SAXO1: variants seen among roughly 807,000 people sequenced by gnomAD.
SAXO1 encodes the protein 4930500O09Rik.
SAXO1 carries 21 observed loss-of-function variants against 17.5 expected under a neutral mutation model. That is an observed-to-expected ratio of 1.20 (90% CI 0.85 to 1.72). The LOEUF (loss-of-function observed/expected upper bound fraction) is 1.72. Ranked by LOEUF, SAXO1 falls within the 40% of genes most tolerant of loss-of-function variation. The pLI, the probability that SAXO1 is intolerant of heterozygous loss-of-function variation, is 0.00. For missense variants in SAXO1, 843 were observed against 596.0 expected, an observed-to-expected ratio of 1.41 and a Z score of -4.32; for synonymous variants, 274 against 216.5, an observed-to-expected ratio of 1.27 and a Z score of -2.33.
intron 2 of SAXO1, among the ~76,000 whole-genome samples, chr9:18,942,737 TG>T (rs1478760786): frequency 6.6e-6 from 1 of 152,176 alleles, no homozygotes; most frequent in Non-Finnish European, 1.5e-5. Context: ...AGATGCTCAC[TG>T]CAATGCCCAC....
At chr9:18,947,498 G>A (rs764345469) in intron 2 of SAXO1, among the ~76,000 whole-genome samples, 2 of 152,044 alleles carry the variant, frequency 1.3e-5, no homozygotes, top group Non-Finnish European at 2.9e-5. Flanking sequence ...CTCTACCCAT[G>A]GTCCCACTCC....
At chr9:19,023,995 A>T (rs534763689) in intron 1 of SAXO1, among the ~76,000 whole-genome samples, 1 of 142,974 alleles carries the variant, frequency 7.0e-6, no homozygotes, top group East Asian at 2.0e-4. Flanking sequence ...AAGAAGAAGA[A>T]ATGCTACTCT....
intron 1 of SAXO1, among the ~76,000 whole-genome samples, chr9:18,972,438 C>T (rs1832976225): frequency 6.6e-6 from 1 of 152,184 alleles, no homozygotes; most frequent in South Asian, 2.1e-4. Context: ...TACATTTGTA[C>T]ACCTTCAATG....
At chr9:19,027,345 C>G in intron 1 of SAXO1, 1 of 785,934 alleles carries the variant, frequency 1.3e-6, no homozygotes, top group Non-Finnish European at 2.3e-6. Flanking sequence ...GCCCAGAGTA[C>G]GACTCGCGGG....
intron 1 of SAXO1, among the ~76,000 whole-genome samples, chr9:18,972,422 C>T (rs982165800): frequency 2.0e-5 from 3 of 152,168 alleles, no homozygotes; most frequent in African/African-American, 7.2e-5. Context: ...AGAATTTGTG[C>T]ACCAATACAT....
chr9:19,024,112 G>A (rs1267910908), intron 1 of SAXO1, among the ~76,000 whole-genome samples: 1 of 137,162 alleles, frequency 7.3e-6, no homozygotes. Context: ...TTGCTGGCGA[G>A]TTCACATTCT....
chr9:18,950,897 T>TC lies in SAXO1; in HGVS notation c.78_79insG (p.Lys27GlufsTer64). 6.2e-7 allele frequency: 1 copy of TC among 1,612,946 alleles called. No individual in the cohort carries two copies. The highest frequency in any genetic ancestry group is 8.5e-7 in the Non-Finnish European group (1 of 1,179,522). ...GAGAGAAGACATGGTTTCTCTGTTT[T>TC]ATCATAAATCTTGGTAGGGAGATGT... On this transcript the variant is annotated frameshift_variant, in exon 2 of 4. Transcript: ENST00000380534. LOFTEE classifies it high-confidence loss of function.
At chr9:18,975,743 G>A (rs1359674804) in intron 1 of SAXO1, among the ~76,000 whole-genome samples, 1 of 152,140 alleles carries the variant, frequency 6.6e-6, no homozygotes, top group Non-Finnish European at 1.5e-5. Flanking sequence ...CTTTTCTCTA[G>A]CCATTGTCAG....
chr9:18,996,006 G>C (rs1373841560), intron 1 of SAXO1, among the ~76,000 whole-genome samples: 1 of 150,780 alleles, frequency 6.6e-6, no homozygotes, highest in Admixed American at 6.6e-5. Flanking sequence ...TTGAATCCAG[G>C]AGGTGGAGGT....
chr9:19,023,829 A>C (rs1490399478), intron 1 of SAXO1, among the ~76,000 whole-genome samples: 1 of 151,782 alleles, frequency 6.6e-6, no homozygotes, highest in Non-Finnish European at 1.5e-5. Flanking sequence ...AAAGGAAGGA[A>C]AGGGAGGAAA....
In SAXO1 at chr9:18,928,796, GA is replaced by G; in HGVS notation, c.680del (p.Phe227SerfsTer21). On this transcript the variant is annotated frameshift_variant, in exon 4 of 4. Transcript: ENST00000380534. LOFTEE classifies it low-confidence loss of function (END_TRUNC). ...TTTCAAAGGGGATTTCACAGGGCCTGAACTTCTCTGCTTCATGCACAAAGCG... is the reference window on the plus strand; with the variant it reads ...TTTCAAAGGGGATTTCACAGGGCCTGACTTCTCTGCTTCATGCACAAAGCG... ...EKRFVHEAEK[F>X]RPCEIPFESL... 6.2e-7 allele frequency: 1 copy of G among 1,614,184 alleles called. No homozygotes were observed. The highest frequency in any genetic ancestry group is 8.5e-7 in the Non-Finnish European group (1 of 1,180,046).
intron 1 of SAXO1, among the ~76,000 whole-genome samples, chr9:19,016,403 T>A (rs1834976593): frequency 6.6e-6 from 1 of 152,070 alleles, no homozygotes; most frequent in Admixed American, 6.6e-5. Flanking sequence ...GCTACTGCAC[T>A]CCAGCATGGG....
chr9:18,966,544 T>C (rs899214083), intron 1 of SAXO1, among the ~76,000 whole-genome samples: 5 of 152,230 alleles, frequency 3.3e-5, no homozygotes, highest in African/African-American at 4.8e-5. Flanking sequence ...CTATTGATAC[T>C]GGTGTATGCT....
chr9:19,007,836 A>T (rs562389985), intron 1 of SAXO1, among the ~76,000 whole-genome samples: 1 of 152,368 alleles, frequency 6.6e-6, no homozygotes, highest in South Asian at 2.1e-4. Flanking sequence ...CAAGGTAATA[A>T]ATTAAGTTTC....
chr9:18,969,998 G>A (rs557681313), intron 1 of SAXO1, among the ~76,000 whole-genome samples: 239 of 152,294 alleles, frequency 1.6e-3, no homozygotes, highest in African/African-American at 5.4e-3. Flanking sequence ...TCAAGTTGAT[G>A]TCTCAGACTA....
intron 3 of SAXO1, among the ~76,000 whole-genome samples, chr9:18,932,090 T>A (rs1831078083): frequency 6.6e-6 from 1 of 152,266 alleles, no homozygotes; most frequent in Non-Finnish European, 1.5e-5. Context: ...CTTTAATAAA[T>A]CATGCTTTTG....
chr9:19,029,521 C>T (rs1035665068), intron 1 of SAXO1, among the ~76,000 whole-genome samples: 3 of 152,140 alleles, frequency 2.0e-5, no homozygotes, highest in African/African-American at 7.2e-5. Flanking sequence ...GCTTAGAAAA[C>T]ACCTATAAAA....
intron 2 of SAXO1, among the ~76,000 whole-genome samples, chr9:18,943,107 A>G (rs901900212): frequency 1.3e-5 from 2 of 152,224 alleles, no homozygotes; most frequent in Non-Finnish European, 2.9e-5. Flanking sequence ...TGAATTATAC[A>G]CATGATTGTC....
upstream of SAXO1, among the ~76,000 whole-genome samples, chr9:19,034,082 G>A (rs1020202480): frequency 6.6e-6 from 1 of 152,216 alleles, no homozygotes; most frequent in East Asian, 1.9e-4. Flanking sequence ...AAAAGACACT[G>A]CTCTGGCCAG....
Sources: allele counts gnomAD v4.1 joint callset (sites outside exome capture counted in the v4.1 genomes callset), GRCh38; gene constraint gnomAD v4.1.1; transcripts MANE v1.5; gene names NCBI Gene and HGNC (gene_info 2026-07-23, HGNC 2026-07-21).